Variants in FLNB observed in about 807,000 individuals in gnomAD.
The protein encoded by FLNB is filamin B.
A neutral mutation model predicts 250.6 loss-of-function variants in FLNB; 111 were observed. The ratio of observed to expected loss-of-function variants is 0.44; its 90% CI spans 0.38 to 0.52. The LOEUF (loss-of-function observed/expected upper bound fraction) is 0.52, where lower values mean the gene tolerates loss of function less well. FLNB is among the 20% of genes least tolerant of loss of function. The pLI is 0.00. For synonymous variants in FLNB, 1,302 were observed against 1,372.1 expected (o/e 0.95, Z 1.13); for missense variants, 2,869 against 3,447.8 (o/e 0.83, Z 4.20).
intron 1 of FLNB, among the ~76,000 whole-genome samples, chr3:58,074,483 A>C (rs1024495398): frequency 6.6e-6 from 1 of 152,264 alleles, no homozygotes; most frequent in African/African-American, 2.4e-5. Context: ...AAGAAGAGAA[A>C]CTAAAAAAAG....
intron 1 of FLNB, among the ~76,000 whole-genome samples, chr3:58,014,378 C>T (rs2097102924): frequency 6.6e-6 from 1 of 152,232 alleles, no homozygotes; most frequent in African/African-American, 2.4e-5. Flanking sequence ...CAGGGAGCTC[C>T]AGGCGTCTGG....
intron 4 of FLNB, among the ~76,000 whole-genome samples, chr3:58,086,910 C>G (rs1030840235): frequency 2.0e-5 from 3 of 152,058 alleles, no homozygotes; most frequent in African/African-American, 7.2e-5. Context: ...GTCAGGAGAT[C>G]GAGACCATCC....
chr3:58,091,636 A>AG (rs946722187), intron 4 of FLNB, among the ~76,000 whole-genome samples: 4 of 151,724 alleles, frequency 2.6e-5, no homozygotes, highest in African/African-American at 9.7e-5. Context: ...CATTAAAAAA[A>AG]AATAAGTTGG....
intron 1 of FLNB, among the ~76,000 whole-genome samples, chr3:58,023,985 A>G (rs374445360): frequency 6.6e-6 from 1 of 152,286 alleles, no homozygotes; most frequent in South Asian, 2.1e-4. Context: ...GAGCCTGACA[A>G]TGTACTTGGG....
Position 58,166,647 on chromosome 3 carries a change from C to T in FLNB, c.7199-1793C>T, listed in dbSNP as rs147573258. The stretch of plus-strand genomic sequence containing the variant: ...ACCAGCCCAGGCAACACAGCAAAAC[C>T]CCATCTCTACAAAAAAATTTAAAAA... On this transcript the variant is annotated intron_variant, in intron 43 of 45. Transcript: ENST00000295956. 2.5e-3 allele frequency among the ~76,000 whole-genome samples: 376 copies of T among 151,996 alleles called. 2 individuals are homozygous for T. The highest frequency in any genetic ancestry group is 8.5e-3 in the African/African-American group (352 of 41,456).
chr3:58,018,507 G>T (rs1316119304), intron 1 of FLNB, among the ~76,000 whole-genome samples: 1 of 149,248 alleles, frequency 6.7e-6, no homozygotes, highest in Non-Finnish European at 1.5e-5. Flanking sequence ...GCTAGTTTTG[G>T]TATTTTTATT....
At chr3:58,040,712 C>G (rs935460362) in intron 1 of FLNB, among the ~76,000 whole-genome samples, 67 of 152,168 alleles carry the variant, frequency 4.4e-4, no homozygotes, top group Non-Finnish European at 1.8e-4. Flanking sequence ...CCAGGCTGGT[C>G]TCGAACTCCT....
chr3:58,078,188 C>G, intron 2 of FLNB: 1 of 1,029,066 alleles, frequency 9.7e-7, no homozygotes, highest in Non-Finnish European at 1.2e-6. Context: ...TCCTAATATC[C>G]TCTTCTTTAC....
chr3:58,071,256 C>T (rs535469810), intron 1 of FLNB, among the ~76,000 whole-genome samples: 2 of 144,578 alleles, frequency 1.4e-5, no homozygotes, highest in Admixed American at 1.3e-4. Context: ...GCCTACACAC[C>T]CCTATCTCTC....
chr3:58,102,081 A>T (rs1277093390), intron 8 of FLNB, 122 bp from the exon 9 acceptor site: 1 of 1,078,642 alleles, frequency 9.3e-7, no homozygotes, highest in African/African-American at 1.6e-5. Flanking sequence ...GTCTTGGGCA[A>T]CTACTGCATA....
At chr3:58,122,669 A>G (rs1297115122) in intron 20 of FLNB, among the ~76,000 whole-genome samples, 1 of 152,148 alleles carries the variant, frequency 6.6e-6, no homozygotes, top group East Asian at 1.9e-4. Context: ...TAGTTTTATT[A>G]TTATGCAGAA....
chr3:58,071,719 C>CA (rs1007670863), intron 1 of FLNB, among the ~76,000 whole-genome samples: 1 of 152,132 alleles, frequency 6.6e-6, no homozygotes, highest in Non-Finnish European at 1.5e-5. Flanking sequence ...CATGGGCTAC[C>CA]ACCTCTGCCA....
At chr3:58,086,718 G>A (rs1332391434) in intron 4 of FLNB, among the ~76,000 whole-genome samples, 1 of 152,218 alleles carries the variant, frequency 6.6e-6, no homozygotes, top group Non-Finnish European at 1.5e-5. Flanking sequence ...CTAGGAAAAG[G>A]AAGTGGTGGA....
At position 58,106,658 on chromosome 3, in the gene FLNB, C is replaced by A. The variant is rs371856124; in HGVS notation, c.1748-22C>A. On this transcript the variant is annotated intron_variant, in intron 11 of 45. Coordinates refer to ENST00000295956, the MANE Select transcript of FLNB (RefSeq NM_001457.4). ...GCTTTCCACCATATAACCAGGGAGA[C>A]CCTTCCACCTCCACCCCCTAGGGTT... 6.8e-6 allele frequency: 11 copies of A among 1,611,294 alleles called. No homozygotes were observed. In the African/African-American group the frequency reaches 1.1e-4, roughly 16 times the overall value.
At chr3:58,089,019 C>T (rs1040478711) in intron 4 of FLNB, among the ~76,000 whole-genome samples, 2 of 152,050 alleles carry the variant, frequency 1.3e-5, no homozygotes, top group Admixed American at 6.6e-5. Context: ...CCCTCCCCTG[C>T]CACAGTGGTA....
intron 1 of FLNB, among the ~76,000 whole-genome samples, chr3:58,054,319 T>C (rs1224507015): frequency 6.6e-6 from 1 of 152,238 alleles, no homozygotes; most frequent in Non-Finnish European, 1.5e-5. Flanking sequence ...GTTCAATAGG[T>C]ACATGTGGCT....
At position 58,123,313 on chromosome 3, in the gene FLNB, T is replaced by A. The variant is rs1265414026; in HGVS notation, c.3347T>A (p.Val1116Asp). ...EYFVNILFEE[V>D]HIPGSPFKAD... is the part of the protein sequence containing the mutation. Reference sequence around the variant, plus strand: ...TTCGTCAACATCCTCTTTGAAGAAGTCCACATACCTGGGTCTCCCTTCAAA... The same window carrying A: ...TTCGTCAACATCCTCTTTGAAGAAGACCACATACCTGGGTCTCCCTTCAAA... Residue 1116 changes from valine to aspartate, a missense_variant, in exon 21 of 46, where the codon GTC becomes GAC. Val to Asp is a radical substitution (Grantham distance 152). Transcript: ENST00000295956. 1.9e-6 allele frequency: 3 copies of A among 1,614,004 alleles called. No individual in the cohort carries two copies. Among genetic ancestry groups the A allele is most frequent in the Non-Finnish European group, 2.5e-6 (3 of 1,180,042 alleles).
chr3:58,127,705 T>C (rs1001859394), intron 24 of FLNB, among the ~76,000 whole-genome samples: 3 of 152,226 alleles, frequency 2.0e-5, no homozygotes, highest in African/African-American at 7.2e-5. Context: ...CAAAATCACT[T>C]CAGCCTGAAC....
At chr3:58,011,612 C>A (rs866953403) in intron 1 of FLNB, among the ~76,000 whole-genome samples, 18 of 152,226 alleles carry the variant, frequency 1.2e-4, no homozygotes, top group African/African-American at 4.1e-4. Flanking sequence ...CTTCATCCTT[C>A]AAGGCAAAGT....
Sources: allele counts gnomAD v4.1 joint callset (sites outside exome capture counted in the v4.1 genomes callset), GRCh38; gene constraint gnomAD v4.1.1; transcripts MANE v1.5; gene names NCBI Gene and HGNC (gene_info 2026-07-23, HGNC 2026-07-21).